The following ZBED1 variants were observed in gnomAD, a reference collection of about 807,000 sequenced individuals.
The protein encoded by ZBED1 is zinc finger BED-type containing 1, also known as E3 SUMO-protein ligase ZBED1.
ZBED1 carries 19 observed loss-of-function variants against 49.7 expected under a neutral mutation model. The observed-to-expected ratio is 0.38, with a 90% CI of 0.27 to 0.56. The LOEUF (loss-of-function observed/expected upper bound fraction) is 0.56, where lower values mean the gene tolerates loss of function less well. Among genes scored for constraint, ZBED1 ranks in the 20% least tolerant of loss-of-function variants. The pLI, the probability that ZBED1 is intolerant of heterozygous loss-of-function variation, is 0.70. For synonymous variants in ZBED1, 439 were observed against 440.3 expected (o/e 1.00, Z 0.04); for missense variants, 806 against 972.6 (o/e 0.83, Z 2.28).
chrX:2,486,744 C>G lies in ZBED1; in HGVS notation c.*1891G>C, dbSNP rs1364317884. 1 of 152,256 alleles carries G rather than the reference C, an allele frequency of 6.6e-6. No individual in the cohort carries two copies. The highest frequency in any genetic ancestry group is 1.5e-5 in the Non-Finnish European group (1 of 68,076). 9.4% of individuals were successfully genotyped at this position (152,256 alleles called of 1,614,324 possible). On this transcript the variant is annotated 3_prime_UTR_variant, in exon 2 of 2. Coordinates refer to ENST00000652001, the MANE Select transcript of ZBED1 (RefSeq NM_001171136.2). ...GCCCTTCTGCCGAGAACACCCGGAG[C>G]TGAGGGTTCCAAGTTCACGGCGGAA...
Position 2,490,345 on chromosome X carries a change from C to T in ZBED1, c.375G>A (p.Glu125=), listed in dbSNP as rs1264011897. The T allele has an allele frequency of 1.9e-6, 3 of 1,613,326 alleles. No homozygotes were observed. The highest frequency in any genetic ancestry group is 1.3e-5 in the African/African-American group (1 of 75,046). ...GHGYDSKKQQ[E]LTAAVLGLIC... ...TGAGGCCCAGCACGGCGGCCGTCAG[C>T]TCCTGCTGCTTCTTGCTGTCGTAGC... The change falls in exon 2 of 2, where the codon GAG becomes GAA. Residue 125 remains glutamate (E), a synonymous_variant. Coordinates refer to ENST00000652001, the MANE Select transcript of ZBED1 (RefSeq NM_001171136.2).
intron 1 of ZBED1, among the ~76,000 whole-genome samples, chrX:2,493,119 C>G (rs1174085056): frequency 1.3e-5 from 2 of 152,186 alleles, no homozygotes; most frequent in African/African-American, 4.8e-5. Flanking sequence ...ATGCCAGCAC[C>G]CTGGTTTGTT....
rs149923435 is a variant in ZBED1 at position 2,489,148 on chromosome X, G to A, written c.1572C>T (p.Pro524=). The part of the protein sequence containing the change: ...RPAEDKIFPV[P]EEPPVKKLMR... Reference sequence around the variant, plus strand: ...TGAGCTTCTTGACGGGAGGCTCCTCGGGCACCGGGAAGATCTTGTCCTCAG... The same window carrying A: ...TGAGCTTCTTGACGGGAGGCTCCTCAGGCACCGGGAAGATCTTGTCCTCAG... The change falls in exon 2 of 2, where the codon CCC becomes CCT. Residue 524 remains proline, a synonymous_variant. Coordinates refer to ENST00000652001, the MANE Select transcript of ZBED1 (RefSeq NM_001171136.2). The A allele has an allele frequency of 7.1e-4, 1,149 of 1,613,518 alleles. 7 individuals are homozygous for A. The African/African-American group carries it at 0.01, about 15-fold the overall frequency.
chrX:2,493,633 A>G (rs1475488698), intron 1 of ZBED1, among the ~76,000 whole-genome samples: 2 of 151,782 alleles, frequency 1.3e-5, no homozygotes, highest in Non-Finnish European at 2.9e-5. Flanking sequence ...TACGGTTGTT[A>G]TTATTATTAG....
At position 2,488,707 on chromosome X, in the gene ZBED1, C is replaced by T; in HGVS notation, c.2013G>A (p.Gln671=). 6.2e-7 allele frequency: 1 copy of T among 1,613,902 alleles called. No individual in the cohort carries two copies. Among genetic ancestry groups the T allele is most frequent in the Non-Finnish European group, 8.5e-7 (1 of 1,179,868 alleles). ...CATCCCCCAAGGAGAACACCTGCTC[C>T]TGGTCCAGGCCCCACTCCCCCTCGT... is the stretch of plus-strand genomic sequence containing the variant. The part of the protein sequence containing the change: ...DQDEGEWGLD[Q]EQVFSLGDGV... Residue 671 remains glutamine (Q), a synonymous_variant, in exon 2 of 2, where the codon CAG becomes CAA. Coordinates refer to ENST00000652001, the MANE Select transcript of ZBED1 (RefSeq NM_001171136.2).
At chrX:2,494,796 T>C (rs1161328888) in intron 1 of ZBED1, among the ~76,000 whole-genome samples, 1 of 151,980 alleles carries the variant, frequency 6.6e-6, no homozygotes, top group Non-Finnish European at 1.5e-5. Context: ...GAGGTCCCAG[T>C]ACCTAGAAGA....
rs758413584 is a variant in ZBED1 at position 2,489,448 on chromosome X, C to T, written c.1272G>A (p.Pro424=). 29 of 1,613,894 alleles carry T rather than the reference C, an allele frequency of 1.8e-5. No homozygotes were observed. The highest frequency in any genetic ancestry group is 3.3e-5 in the South Asian group (3 of 91,064). ...TGGTGTTCAGGAGCATGTGCAGCAG[C>T]GGCTTCACCATGCTGATGGTGGGGT... ...SRYPTISMVK[P]LLHMLLNTTL... is the part of the protein sequence containing the mutation. Residue 424 remains proline (P), a synonymous_variant, in exon 2 of 2, where the codon CCG becomes CCA. Coordinates refer to ENST00000652001, the MANE Select transcript of ZBED1 (RefSeq NM_001171136.2).
intron 1 of ZBED1, among the ~76,000 whole-genome samples, chrX:2,498,622 T>C (rs1426096707): frequency 3.5e-5 from 3 of 86,066 alleles, no homozygotes; most frequent in South Asian, 4.7e-4. Flanking sequence ...AATCAGTAAA[T>C]GGGAAAAAAA....
chrX:2,489,570 G>A lies in ZBED1; in HGVS notation c.1150C>T (p.Leu384Phe), dbSNP rs2045065501. Reference protein sequence around the residue: ...VLVEDSNNHHLMLEASEWATI... With the variant: ...VLVEDSNNHHFMLEASEWATI... ...GCCCACTCGCTGGCCTCCAGCATGA[G>A]GTGGTGGTTGTTGCTGTCCTCCACC... The change falls in exon 2 of 2, where the codon CTC becomes TTC. Residue 384 changes from leucine (L) to phenylalanine (F), a missense_variant. Around this residue, in one of 2 missense-constraint regions of ZBED1, gnomAD observed 749 missense variants for 861.3 expected, o/e 0.87. Transcript: ENST00000652001. 6.2e-7 allele frequency: 1 copy of A among 1,612,564 alleles called. No individual in the cohort carries two copies.
At chrX:2,498,901 G>A (rs1269589058) in intron 1 of ZBED1, among the ~76,000 whole-genome samples, 8 of 152,044 alleles carry the variant, frequency 5.3e-5, no homozygotes, top group African/African-American at 1.7e-4. Flanking sequence ...CCTGCCCTCC[G>A]AAAGCCTGAC....
chrX:2,497,761 A>G (rs1456422432), intron 1 of ZBED1, among the ~76,000 whole-genome samples: 2 of 152,228 alleles, frequency 1.3e-5, no homozygotes, highest in Non-Finnish European at 2.9e-5. Context: ...TTGATGTATC[A>G]GAGAAAATGT....
chrX:2,487,777 T>C lies in ZBED1; in HGVS notation c.*858A>G, dbSNP rs1342309275. 1 of 151,894 alleles carries C rather than the reference T, an allele frequency of 6.6e-6. No individual in the cohort carries two copies. The highest frequency in any genetic ancestry group is 1.5e-5 in the Non-Finnish European group (1 of 67,970). The allele number at this position is 151,894 out of a possible 1,614,324, so 9.4% of individuals were successfully genotyped here. A position where few individuals can be genotyped will look rare whatever the true frequency, so the allele number is the denominator to read the frequency against. On this transcript the variant is annotated 3_prime_UTR_variant, in exon 2 of 2. Transcript: ENST00000652001. ...TTAAGTGTCTGCATTTTTGTACTCATCTGTCACATTTTTAACCGAACATTA... is the reference window on the plus strand; with the variant it reads ...TTAAGTGTCTGCATTTTTGTACTCACCTGTCACATTTTTAACCGAACATTA...
intron 1 of ZBED1, among the ~76,000 whole-genome samples, chrX:2,493,671 A>G (rs149938749): frequency 0.015 from 2,278 of 152,082 alleles, 55 homozygotes; most frequent in East Asian, 0.09. Flanking sequence ...TACCTGTAGC[A>G]AAGATTTTTA....
intron 1 of ZBED1, among the ~76,000 whole-genome samples, chrX:2,496,611 C>T (rs2045291376): frequency 6.6e-6 from 1 of 152,094 alleles, no homozygotes; most frequent in Non-Finnish European, 1.5e-5. Context: ...CAAACACCAC[C>T]TGTTCCCCAA....
chrX:2,498,625 G>GAA (rs10624636), intron 1 of ZBED1, among the ~76,000 whole-genome samples: 25,503 of 128,448 alleles, frequency 0.2, 2,629 homozygotes, highest in South Asian at 0.32. Flanking sequence ...CAGTAAATGG[G>GAA]AAAAAAAAAA....
chrX:2,496,702 G>C (rs1316011663), intron 1 of ZBED1, among the ~76,000 whole-genome samples: 1 of 151,986 alleles, frequency 6.6e-6, no homozygotes, highest in African/African-American at 2.4e-5. Flanking sequence ...GCGGGTGATA[G>C]ATATTAGTTT....
In ZBED1 at chrX:2,496,051, A is replaced by G. The variant is rs753647778; in HGVS notation, c.-54+4766T>C. Among the ~76,000 whole-genome samples, 17 of 152,312 alleles carry G rather than the reference A, an allele frequency of 1.1e-4. No homozygotes were observed. The South Asian group carries it at 3.3e-3, about 30-fold the overall frequency. On this transcript the variant is annotated intron_variant, in intron 1 of 1. Transcript: ENST00000652001. Reference sequence around the variant, plus strand: ...CAATCATTTTTCTTTTAAAAAACATACAGCACATGGCCAAAGGGTACCAAG... The same window carrying G: ...CAATCATTTTTCTTTTAAAAAACATGCAGCACATGGCCAAAGGGTACCAAG...
At chrX:2,490,900 G>A in intron 1 of ZBED1, 128 bp from the exon 2 acceptor site, 1 of 788,016 alleles carries the variant, frequency 1.3e-6, no homozygotes, top group Non-Finnish European at 2.0e-6. Context: ...CCGGACGGCT[G>A]GACCTTCCTT....
At position 2,500,933 on chromosome X, in the gene ZBED1, C is replaced by A. The variant is rs1287932816; in HGVS notation, c.-170G>T. On this transcript the variant is annotated 5_prime_UTR_variant, in exon 1 of 2. Transcript: ENST00000652001. Reference sequence around the variant, plus strand: ...CGCAGACAATGGCGACATGGCTGCCCCGGCCGCGCCGCCGCCGCTTCCGCG... The same window carrying A: ...CGCAGACAATGGCGACATGGCTGCCACGGCCGCGCCGCCGCCGCTTCCGCG... 18 of 1,058,642 alleles carry A rather than the reference C, an allele frequency of 1.7e-5. No individual in the cohort carries two copies. Among genetic ancestry groups the A allele is most frequent in the Non-Finnish European group, 2.0e-5 (18 of 878,538 alleles). 65.6% of individuals were successfully genotyped at this position (1,058,642 alleles called of 1,614,324 possible).
Sources: allele counts gnomAD v4.1 joint callset (sites outside exome capture counted in the v4.1 genomes callset), GRCh38; gene constraint gnomAD v4.1.1; regional missense constraint gnomAD v4.1.1; transcripts MANE v1.5; gene names NCBI Gene and HGNC (gene_info 2026-07-23, HGNC 2026-07-21).